The following NKAIN2 variants were observed in gnomAD, a reference collection of about 807,000 sequenced individuals.
NKAIN2 encodes the protein sodium/potassium transporting ATPase interacting 2.
Under a neutral mutation model 32.6 loss-of-function variants are expected in NKAIN2, and 14 were observed. The observed-to-expected ratio is 0.43, with a 90% CI of 0.28 to 0.67. NKAIN2 has a LOEUF of 0.67. Ranked by LOEUF, NKAIN2 falls within the 30% of genes least tolerant of loss-of-function variation. The pLI is 0.17. For missense variants in NKAIN2, 198 were observed against 258.3 expected, an observed-to-expected ratio of 0.77 and a Z score of 1.60; for synonymous variants, 80 against 87.2, an observed-to-expected ratio of 0.92 and a Z score of 0.46.
intron 3 of NKAIN2, among the ~76,000 whole-genome samples, chr6:124,358,381 C>T (rs1222567208): frequency 6.6e-6 from 1 of 152,070 alleles, no homozygotes; most frequent in Non-Finnish European, 1.5e-5. Context: ...AACTAGTTTA[C>T]AGTCCCACCA....
chr6:124,551,455 A>G (rs192699997), intron 3 of NKAIN2, among the ~76,000 whole-genome samples: 9 of 152,114 alleles, frequency 5.9e-5, no homozygotes, highest in Non-Finnish European at 1.3e-4. Context: ...CCTCTTATAC[A>G]TGTCTTGGTC....
chr6:124,247,535 G>A (rs1049565925), intron 1 of NKAIN2, among the ~76,000 whole-genome samples: 1 of 152,074 alleles, frequency 6.6e-6, no homozygotes, highest in Non-Finnish European at 1.5e-5. Context: ...ATGTGAAAAC[G>A]CTTAGGGATG....
intron 3 of NKAIN2, among the ~76,000 whole-genome samples, chr6:124,538,148 T>C (rs188997228): frequency 1.8e-3 from 274 of 152,246 alleles, no homozygotes; most frequent in African/African-American, 6.3e-3. Context: ...GTTAGTTTAA[T>C]TTTGTATGTT....
intron 1 of NKAIN2, among the ~76,000 whole-genome samples, chr6:124,265,155 TC>T (rs545222874): frequency 2.3e-3 from 351 of 152,280 alleles, no homozygotes; most frequent in African/African-American, 8.0e-3. Context: ...TTGTTTTTTT[TC>T]AAGTGACTTC....
intron 2 of NKAIN2, among the ~76,000 whole-genome samples, chr6:124,306,369 A>G (rs1465598012): frequency 6.6e-6 from 1 of 152,160 alleles, no homozygotes; most frequent in African/African-American, 2.4e-5. Flanking sequence ...GAATATATAT[A>G]TATCTGATAT....
At chr6:124,248,579 G>C (rs1273746574) in intron 1 of NKAIN2, among the ~76,000 whole-genome samples, 1 of 151,902 alleles carries the variant, frequency 6.6e-6, no homozygotes, top group Non-Finnish European at 1.5e-5. Context: ...TCCTTAGTCT[G>C]TGCTGTACTT....
intron 5 of NKAIN2, among the ~76,000 whole-genome samples, chr6:124,813,865 C>T (rs926027132): frequency 6.6e-6 from 1 of 152,266 alleles, no homozygotes; most frequent in Non-Finnish European, 1.5e-5. Context: ...ACGACCCAAA[C>T]ATCTAGCTGC....
intron 1 of NKAIN2, among the ~76,000 whole-genome samples, chr6:123,896,080 A>G (rs921403449): frequency 1.3e-5 from 2 of 152,222 alleles, no homozygotes; most frequent in Non-Finnish European, 2.9e-5. Context: ...ACGTAACATT[A>G]ACTGATGTTC....
At chr6:123,865,474 A>G (rs993286623) in intron 1 of NKAIN2, among the ~76,000 whole-genome samples, 41 of 152,014 alleles carry the variant, frequency 2.7e-4, no homozygotes, top group African/African-American at 9.2e-4. Flanking sequence ...TCTTTTTTCA[A>G]TTATTTCTCA....
rs915362294 is a variant in NKAIN2 at position 124,330,438 on chromosome 6, T to G, written c.193-24829T>G. Among the ~76,000 whole-genome samples the G allele has an allele frequency of 9.9e-5, 15 of 152,178 alleles. 1 individual carries two copies. Among genetic ancestry groups the G allele is most frequent in the Admixed American group, 9.2e-4 (14 of 15,284 alleles). On this transcript the variant is annotated intron_variant, in intron 2 of 6. Transcript: ENST00000368417. ...AGTAGCAATAGAAGCTGATCCCATG[T>G]AGAGCACTGAAGCTGGGCTAGTCTT...
chr6:123,871,501 T>TC (rs1240539323), intron 1 of NKAIN2, among the ~76,000 whole-genome samples: 9 of 152,198 alleles, frequency 5.9e-5, no homozygotes, highest in Admixed American at 1.3e-4. Flanking sequence ...CTTTGCCTCC[T>TC]CCCCCCAGTT....
intron 1 of NKAIN2, among the ~76,000 whole-genome samples, chr6:123,957,646 G>A (rs140490819): frequency 2.7e-4 from 41 of 152,188 alleles, no homozygotes; most frequent in African/African-American, 9.4e-4. Flanking sequence ...TTTCAATTTA[G>A]ATGTTTACAA....
chr6:124,798,209 ATC>A, intron 5 of NKAIN2, among the ~76,000 whole-genome samples: 1 of 152,042 alleles, frequency 6.6e-6, no homozygotes, highest in African/African-American at 2.4e-5. Flanking sequence ...TTCAAACATA[ATC>A]TAAGAGGAGA....
Position 124,712,192 on chromosome 6 carries a change from C to A in NKAIN2, c.474+53806C>A, listed in dbSNP as rs572045795. On this transcript the variant is annotated intron_variant, in intron 4 of 6. Transcript: ENST00000368417. ...CTGCCCGTTCTCAGATCTCCAGCTGCGTGCTGGGAGAACCACTGCTCTCTT... is the reference window on the plus strand; with the variant it reads ...CTGCCCGTTCTCAGATCTCCAGCTGAGTGCTGGGAGAACCACTGCTCTCTT... 2.5e-3 allele frequency among the ~76,000 whole-genome samples: 381 copies of A among 150,546 alleles called. 5 individuals are homozygous for A. Among genetic ancestry groups the A allele is most frequent in the East Asian group, 4.7e-3 (24 of 5,096 alleles).
At chr6:124,221,346 A>G (rs1033962205) in intron 1 of NKAIN2, among the ~76,000 whole-genome samples, 1 of 147,814 alleles carries the variant, frequency 6.8e-6, no homozygotes, top group Non-Finnish European at 1.5e-5. Flanking sequence ...CATAGGTGGG[A>G]ATTGAACAAT....
intron 1 of NKAIN2, among the ~76,000 whole-genome samples, chr6:124,276,154 T>G (rs1051255568): frequency 6.6e-6 from 1 of 152,076 alleles, no homozygotes; most frequent in African/African-American, 2.4e-5. Context: ...TTCCTTAATT[T>G]TTTTGGTTTT....
intron 4 of NKAIN2, among the ~76,000 whole-genome samples, chr6:124,711,094 T>C (rs1445183277): frequency 7.0e-6 from 1 of 143,728 alleles, no homozygotes; most frequent in African/African-American, 2.6e-5. Flanking sequence ...TTATGAAGCT[T>C]AGTTTGGCTG....
intron 1 of NKAIN2, among the ~76,000 whole-genome samples, chr6:123,840,380 C>G (rs997541643): frequency 2.0e-5 from 3 of 151,964 alleles, no homozygotes; most frequent in African/African-American, 7.2e-5. Flanking sequence ...CACAGTTTTT[C>G]CTTTTAATCA....
intron 3 of NKAIN2, among the ~76,000 whole-genome samples, chr6:124,643,157 T>A (rs1263757367): frequency 6.6e-6 from 1 of 152,216 alleles, no homozygotes; most frequent in Non-Finnish European, 1.5e-5. Flanking sequence ...ATGGTGCTTG[T>A]GGTCTCTTAC....
Sources: gnomAD v4.1 joint callset for allele counts (sites outside exome capture counted in the v4.1 genomes callset) on GRCh38, gnomAD v4.1.1 for gene constraint, MANE v1.5 for transcripts, NCBI Gene and HGNC (gene_info 2026-07-23, HGNC 2026-07-21) for gene names.